Variants in EPHA5 observed in about 807,000 individuals in gnomAD.
EPHA5 encodes the protein ephrin type-A receptor 5.
A neutral mutation model predicts 105.0 loss-of-function variants in EPHA5; 60 were observed. The ratio of observed to expected loss-of-function variants is 0.57; its 90% CI spans 0.46 to 0.71. The LOEUF (loss-of-function observed/expected upper bound fraction) is 0.71, where lower values mean the gene tolerates loss of function less well. Ranked by LOEUF, EPHA5 falls within the 30% of genes least tolerant of loss-of-function variation. The probability of loss-of-function intolerance (pLI) is 0.00; values close to 1 mark genes in which losing one functional copy is unlikely to be tolerated. For synonymous variants in EPHA5, 513 were observed against 449.1 expected (o/e 1.14, Z -1.80); for missense variants, 1,218 against 1,274.7 (o/e 0.96, Z 0.68).
chr4:65,350,242 A>G (rs1159155194), intron 13 of EPHA5, among the ~76,000 whole-genome samples: 2 of 152,116 alleles, frequency 1.3e-5, no homozygotes, highest in Non-Finnish European at 2.9e-5. Context: ...GGTCTGGAAG[A>G]GGAAGGATAT....
intron 3 of EPHA5, among the ~76,000 whole-genome samples, chr4:65,530,996 AT>A (rs1004854366): frequency 6.3e-5 from 7 of 111,854 alleles, no homozygotes; most frequent in African/African-American, 1.7e-4. Flanking sequence ...AGCTGGATGG[AT>A]TTTTTTTTAT....
chr4:65,418,163 C>T (rs575794181), intron 6 of EPHA5, among the ~76,000 whole-genome samples: 61 of 152,054 alleles, frequency 4.0e-4, no homozygotes, highest in African/African-American at 1.4e-3. Flanking sequence ...CAACTTTAAT[C>T]GCAATGAAAA....
At chr4:65,577,468 G>C (rs1013450188) in intron 3 of EPHA5, among the ~76,000 whole-genome samples, 9 of 152,014 alleles carry the variant, frequency 5.9e-5, no homozygotes, top group African/African-American at 2.2e-4. Flanking sequence ...AGCTTATATA[G>C]TAAGTTACTA....
rs1440347064 is a variant in EPHA5 at position 65,355,692 on chromosome 4, A to G, written c.2174-2589T>C. ...ATGCTGAGGTATCCTGGATCACCCT[A>G]TGATATTAAGGCATTATCCCATCAT... On this transcript the variant is annotated intron_variant, in intron 11 of 16. Transcript: ENST00000613740. Among the ~76,000 whole-genome samples the G allele has an allele frequency of 2.0e-5, 3 of 151,718 alleles. No individual in the cohort carries two copies. In the South Asian group the frequency reaches 6.2e-4, roughly 31 times the overall value.
At chr4:65,612,661 G>T (rs74947626) in intron 2 of EPHA5, among the ~76,000 whole-genome samples, 5,761 of 152,174 alleles carry the variant, frequency 0.038, 364 homozygotes, top group African/African-American at 0.13. Context: ...TTGATGCAAT[G>T]ATTTATTTTC....
At chr4:65,503,979 G>A (rs1459552482) in intron 3 of EPHA5, among the ~76,000 whole-genome samples, 1 of 149,998 alleles carries the variant, frequency 6.7e-6, no homozygotes, top group Non-Finnish European at 1.5e-5. Flanking sequence ...ATCAGTAACA[G>A]GTATATGTAT....
At chr4:65,386,289 A>G (rs1345025856) in intron 8 of EPHA5, among the ~76,000 whole-genome samples, 1 of 151,912 alleles carries the variant, frequency 6.6e-6, no homozygotes. Flanking sequence ...TCTAAAAATA[A>G]AAATAAATTT....
intron 5 of EPHA5, among the ~76,000 whole-genome samples, chr4:65,433,332 C>T (rs1725153817): frequency 6.6e-6 from 1 of 152,074 alleles, no homozygotes; most frequent in African/African-American, 2.4e-5. Context: ...TATTCTAATG[C>T]CCATTCTGAT....
intron 3 of EPHA5, among the ~76,000 whole-genome samples, chr4:65,533,555 G>A (rs1736019211): frequency 6.6e-6 from 1 of 152,122 alleles, no homozygotes; most frequent in South Asian, 2.1e-4. Flanking sequence ...CATGAGGTCA[G>A]AATATTATAA....
intron 11 of EPHA5, among the ~76,000 whole-genome samples, chr4:65,356,264 A>C (rs1451176): frequency 0.98 from 148,960 of 151,460 alleles, 73,313 homozygotes; most frequent in East Asian, 1. Context: ...ATATTTTAGG[A>C]TCTCTTTTTA....
In EPHA5 at chr4:65,405,883, A is replaced by AT. The variant is rs576325111; in HGVS notation, c.1688-1405dup. ...CTAAACTCATATTATTTCTACCACT[A>AT]TTTTTTTTCTCTCTTTCTCCTTCTT... On this transcript the variant is annotated intron_variant, in intron 7 of 16. Transcript: ENST00000613740. Among the ~76,000 whole-genome samples the AT allele has an allele frequency of 2.7e-3, 411 of 151,692 alleles. 3 individuals are homozygous for AT. Among genetic ancestry groups the AT allele is most frequent in the South Asian group, 0.021 (103 of 4,802 alleles).
At chr4:65,661,887 A>G (rs1197139970) in intron 1 of EPHA5, among the ~76,000 whole-genome samples, 1 of 152,216 alleles carries the variant, frequency 6.6e-6, no homozygotes, top group Non-Finnish European at 1.5e-5. Flanking sequence ...GATGTCTTAC[A>G]AACTTCTGAT....
intron 3 of EPHA5, among the ~76,000 whole-genome samples, chr4:65,572,928 G>A (rs1260051504): frequency 3.3e-5 from 5 of 151,932 alleles, no homozygotes; most frequent in Non-Finnish European, 4.4e-5. Flanking sequence ...CTACTCAGGA[G>A]ACTTAGGCAA....
chr4:65,434,002 C>T (rs980010891), intron 5 of EPHA5, among the ~76,000 whole-genome samples: 1 of 152,086 alleles, frequency 6.6e-6, no homozygotes, highest in Non-Finnish European at 1.5e-5. Flanking sequence ...TTGCAGTGAG[C>T]CGAAATCGTG....
intron 2 of EPHA5, among the ~76,000 whole-genome samples, chr4:65,612,566 C>T (rs1292268955): frequency 1.3e-5 from 2 of 152,188 alleles, no homozygotes; most frequent in South Asian, 2.1e-4. Flanking sequence ...TTTATCCAAT[C>T]ATCCTTTGAT....
intron 2 of EPHA5, among the ~76,000 whole-genome samples, chr4:65,612,009 C>T (rs1158278903): frequency 1.1e-5 from 1 of 88,234 alleles, no homozygotes; most frequent in African/African-American, 4.1e-5. Context: ...AGAGCGAGAC[C>T]CTCTCTCAAA....
intron 5 of EPHA5, among the ~76,000 whole-genome samples, chr4:65,441,746 G>A (rs149850947): frequency 1.1e-3 from 161 of 152,106 alleles, no homozygotes; most frequent in African/African-American, 3.8e-3. Flanking sequence ...TAAAAAAATG[G>A]TTTGGAACAT....
At chr4:65,634,145 G>A (rs1746897473) in intron 2 of EPHA5, among the ~76,000 whole-genome samples, 1 of 151,998 alleles carries the variant, frequency 6.6e-6, no homozygotes, top group Non-Finnish European at 1.5e-5. Context: ...AGATTAATAA[G>A]ATGATATTAT....
chr4:65,366,172 T>A lies in EPHA5; in HGVS notation c.1862-115A>T, dbSNP rs532902547. 20 of 945,404 alleles carry A rather than the reference T, an allele frequency of 2.1e-5. No individual in the cohort carries two copies. The Admixed American group carries it at 2.2e-4, about 10-fold the overall frequency. The allele number at this position is 945,404 out of a possible 1,614,324, so 58.6% of individuals were successfully genotyped here. ...CTCTAATTCCTGGAAGTATTCAAACTGCAAGGACCAGCCCTCTCCTGAGTT... is the reference window on the plus strand; with the variant it reads ...CTCTAATTCCTGGAAGTATTCAAACAGCAAGGACCAGCCCTCTCCTGAGTT... On this transcript the variant is annotated intron_variant, in intron 9 of 16. Coordinates refer to ENST00000613740, the MANE Select transcript of EPHA5 (RefSeq NM_001281766.3).
Sources: gnomAD v4.1 joint callset for allele counts (sites outside exome capture counted in the v4.1 genomes callset) on GRCh38, gnomAD v4.1.1 for gene constraint, MANE v1.5 for transcripts, NCBI Gene and HGNC (gene_info 2026-07-23, HGNC 2026-07-21) for gene names.